The following CNTNAP2 variants were observed in gnomAD, a reference collection of about 807,000 sequenced individuals.
The protein encoded by CNTNAP2 is contactin-associated protein-like 2.
In CNTNAP2, 98 loss-of-function variants were observed where a neutral mutation model predicts 155.2. That is an observed-to-expected ratio of 0.63 (90% CI 0.54 to 0.75). The LOEUF is 0.75. Ranked by LOEUF, CNTNAP2 falls within the 30% of genes least tolerant of loss-of-function variation. The probability of loss-of-function intolerance (pLI) is 0.00; values close to 1 mark genes in which losing one functional copy is unlikely to be tolerated. For synonymous variants in CNTNAP2, 651 were observed against 631.2 expected (o/e 1.03, Z -0.47); for missense variants, 1,727 against 1,688.1 (o/e 1.02, Z -0.40).
chr7:146,983,158 A>G (rs1457589410), intron 3 of CNTNAP2, among the ~76,000 whole-genome samples: 1 of 152,326 alleles, frequency 6.6e-6, no homozygotes, highest in African/African-American at 2.4e-5. Flanking sequence ...GCAATTATTA[A>G]TTAATCATTT....
intron 10 of CNTNAP2, among the ~76,000 whole-genome samples, chr7:147,473,618 G>T (rs1231299379): frequency 5.3e-5 from 8 of 152,086 alleles, no homozygotes; most frequent in Admixed American, 3.9e-4. Context: ...AGTTTTCCCT[G>T]CACCTCAGGT....
chr7:147,531,321 T>C (rs983886557), intron 11 of CNTNAP2, among the ~76,000 whole-genome samples: 1 of 152,192 alleles, frequency 6.6e-6, no homozygotes, highest in Non-Finnish European at 1.5e-5. Flanking sequence ...ACATTTCCCT[T>C]CCTCACTGCC....
At chr7:148,245,552 C>T (rs1014314664) in intron 20 of CNTNAP2, among the ~76,000 whole-genome samples, 2 of 102,542 alleles carry the variant, frequency 2.0e-5, no homozygotes, top group African/African-American at 7.5e-5. Flanking sequence ...GCCAAGGGAA[C>T]CCAGGCAGAA....
At chr7:148,381,128 G>A (rs185064699) in intron 21 of CNTNAP2, among the ~76,000 whole-genome samples, 27 of 152,348 alleles carry the variant, frequency 1.8e-4, no homozygotes, top group Admixed American at 1.4e-3. Flanking sequence ...TGCAGGCTCC[G>A]TGGCAGCATC....
chr7:146,465,071 C>T (rs1257716177), intron 1 of CNTNAP2, among the ~76,000 whole-genome samples: 1 of 151,974 alleles, frequency 6.6e-6, no homozygotes, highest in Admixed American at 6.6e-5. Flanking sequence ...TAGTCAGAAG[C>T]CCTGCCCATC....
intron 5 of CNTNAP2, among the ~76,000 whole-genome samples, chr7:147,110,437 G>A (rs1260237836): frequency 7.2e-5 from 11 of 151,754 alleles, no homozygotes; most frequent in Admixed American, 7.2e-4. Flanking sequence ...GTAAACGTGT[G>A]CCGTGACGGT....
At chr7:146,526,357 AG>A (rs1389849944) in intron 1 of CNTNAP2, among the ~76,000 whole-genome samples, 2 of 152,196 alleles carry the variant, frequency 1.3e-5, no homozygotes, top group African/African-American at 4.8e-5. Context: ...CATGCTTTAC[AG>A]GAAGTGTGGT....
chr7:148,282,308 T>C (rs1359491002), intron 21 of CNTNAP2, among the ~76,000 whole-genome samples: 1 of 152,194 alleles, frequency 6.6e-6, no homozygotes, highest in African/African-American at 2.4e-5. Flanking sequence ...AGAGGATATT[T>C]TGAACATTGA....
At chr7:146,763,615 A>G (rs1802143088) in intron 1 of CNTNAP2, among the ~76,000 whole-genome samples, 1 of 152,196 alleles carries the variant, frequency 6.6e-6, no homozygotes, top group South Asian at 2.1e-4. Context: ...AAATCAATAT[A>G]TGTTAATTGA....
intron 15 of CNTNAP2, among the ~76,000 whole-genome samples, chr7:148,114,925 C>T (rs946373648): frequency 6.6e-6 from 1 of 152,210 alleles, no homozygotes; most frequent in African/African-American, 2.4e-5. Context: ...TACTTTGATA[C>T]CATCAGTCTA....
At chr7:146,717,055 C>T (rs1021778434) in intron 1 of CNTNAP2, among the ~76,000 whole-genome samples, 1 of 151,930 alleles carries the variant, frequency 6.6e-6, no homozygotes, top group Non-Finnish European at 1.5e-5. Context: ...AAATTGCCTC[C>T]GTTTATCCCA....
At chr7:146,269,676 A>G (rs569545637) in intron 1 of CNTNAP2, among the ~76,000 whole-genome samples, 1 of 152,246 alleles carries the variant, frequency 6.6e-6, no homozygotes, top group Non-Finnish European at 1.5e-5. Context: ...ACTGTTCAAC[A>G]TAACAACCGA....
chr7:146,717,693 T>G (rs1466033320), intron 1 of CNTNAP2, among the ~76,000 whole-genome samples: 1 of 151,964 alleles, frequency 6.6e-6, no homozygotes, highest in Non-Finnish European at 1.5e-5. Flanking sequence ...CTCACCTTGG[T>G]TTTATTCATT....
intron 8 of CNTNAP2, among the ~76,000 whole-genome samples, chr7:147,295,226 AGT>A (rs1429672818): frequency 2.0e-5 from 3 of 151,684 alleles, no homozygotes; most frequent in Admixed American, 6.6e-5. Context: ...AGCAAATGGA[AGT>A]GTGTGTGCGC....
intron 1 of CNTNAP2, among the ~76,000 whole-genome samples, chr7:146,246,497 A>T (rs1321454891): frequency 1.3e-5 from 2 of 150,212 alleles, no homozygotes; most frequent in Admixed American, 1.3e-4. Flanking sequence ...GGCAAGGGAA[A>T]CAGGCCCTTG....
intron 1 of CNTNAP2, among the ~76,000 whole-genome samples, chr7:146,740,965 C>T (rs1801705909): frequency 6.6e-6 from 1 of 152,170 alleles, no homozygotes; most frequent in Non-Finnish European, 1.5e-5. Context: ...GGTCTATAGG[C>T]TCAGTCTGCT....
chr7:146,905,951 G>A (rs1039561627), intron 3 of CNTNAP2, among the ~76,000 whole-genome samples: 38 of 152,184 alleles, frequency 2.5e-4, no homozygotes, highest in African/African-American at 6.3e-4. Flanking sequence ...GCACCACACC[G>A]TGCGCGAGCC....
At chr7:146,839,332 A>T (rs948318149) in intron 2 of CNTNAP2, among the ~76,000 whole-genome samples, 53 of 152,286 alleles carry the variant, frequency 3.5e-4, no homozygotes, top group African/African-American at 1.1e-3. Context: ...TAAATGATAA[A>T]GTTTACATGA....
At chr7:146,151,698 GTATATATA>G (rs371723238) in intron 1 of CNTNAP2, among the ~76,000 whole-genome samples, 1 of 74,098 alleles carries the variant, frequency 1.3e-5, no homozygotes, top group African/African-American at 4.0e-5. Context: ...ATATATATAT[GTATATATA>G]TATATATGTA....
Sources: allele counts gnomAD v4.1 joint callset (sites outside exome capture counted in the v4.1 genomes callset), GRCh38; gene constraint gnomAD v4.1.1; transcripts MANE v1.5; gene names NCBI Gene and HGNC (gene_info 2026-07-23, HGNC 2026-07-21).